TOX3: variants seen among roughly 807,000 people sequenced by gnomAD.
TOX3 encodes CAG trinucleotide repeat-containing gene F9 protein.
In TOX3, 22 loss-of-function variants were observed where a neutral mutation model predicts 64.3. The ratio of observed to expected loss-of-function variants is 0.34; its 90% confidence interval spans 0.24 to 0.49. The LOEUF is 0.49. TOX3 is among the 20% of genes least tolerant of loss of function. The probability of loss-of-function intolerance (pLI) is 0.99; values close to 1 mark genes in which losing one functional copy is unlikely to be tolerated. For synonymous variants in TOX3, 291 were observed against 273.6 expected, an observed-to-expected ratio of 1.06 and a Z score of -0.63; for missense variants, 661 against 714.4, an observed-to-expected ratio of 0.93 and a Z score of 0.85.
intron 1 of TOX3, among the ~76,000 whole-genome samples, chr16:52,536,955 C>T (rs1477618677): frequency 6.6e-6 from 1 of 151,502 alleles, no homozygotes; most frequent in East Asian, 1.9e-4. Context: ...TTCCTATTAT[C>T]ACAAAGAAAT....
chr16:52,503,449 T>C (rs1460622628), intron 1 of TOX3, among the ~76,000 whole-genome samples: 1 of 152,194 alleles, frequency 6.6e-6, no homozygotes, highest in Admixed American at 6.5e-5. Flanking sequence ...TAGCAATTGC[T>C]ATCAACTTTC....
At chr16:52,484,372 C>A (rs535017463) in intron 1 of TOX3, among the ~76,000 whole-genome samples, 1 of 152,096 alleles carries the variant, frequency 6.6e-6, no homozygotes, top group Non-Finnish European at 1.5e-5. Flanking sequence ...TTCTTTTATT[C>A]TTTTGCTTTT....
chr16:52,455,135 T>C (rs73583132), intron 3 of TOX3, among the ~76,000 whole-genome samples: 5,410 of 152,250 alleles, frequency 0.036, 322 homozygotes, highest in African/African-American at 0.12. Flanking sequence ...CACAATTACA[T>C]TTTATATGTA....
intron 1 of TOX3, among the ~76,000 whole-genome samples, chr16:52,473,357 A>C (rs1397617236): frequency 6.8e-6 from 1 of 146,580 alleles, no homozygotes; most frequent in Non-Finnish European, 1.5e-5. Context: ...GCACAAACTT[A>C]ATCCTAAAAA....
chr16:52,470,139 A>G (rs1960998795), intron 1 of TOX3, among the ~76,000 whole-genome samples: 1 of 152,192 alleles, frequency 6.6e-6, no homozygotes, highest in African/African-American at 2.4e-5. Flanking sequence ...TCACACACAT[A>G]TTTTCCCTTG....
chr16:52,524,007 A>G (rs1237624901), intron 1 of TOX3, among the ~76,000 whole-genome samples: 2 of 152,226 alleles, frequency 1.3e-5, no homozygotes, highest in Non-Finnish European at 2.9e-5. Flanking sequence ...TTTCTTCAAA[A>G]TTAACATTCA....
At chr16:52,449,857 C>T (rs1344095537) in intron 4 of TOX3, among the ~76,000 whole-genome samples, 1 of 152,244 alleles carries the variant, frequency 6.6e-6, no homozygotes, top group Non-Finnish European at 1.5e-5. Context: ...ACCGAAGCCG[C>T]AAGGCTGTCA....
In TOX3 at chr16:52,463,985, T is replaced by C; in HGVS notation, c.357A>G (p.Ser119=). 6.3e-7 allele frequency: 1 copy of C among 1,594,178 alleles called. No individual in the cohort carries two copies. Among genetic ancestry groups the C allele is most frequent in the Non-Finnish European group, 8.6e-7 (1 of 1,169,392 alleles). ...QSLDLPSITI[S]RNLVEQDGVL... is the part of the protein sequence containing the mutation. ...CGCCATCTTGTTCCACGAGATTTCTTGAGATTGTAATGGAAGGGAGGTCCA... is the reference window on the plus strand; with the variant it reads ...CGCCATCTTGTTCCACGAGATTTCTCGAGATTGTAATGGAAGGGAGGTCCA... Residue 119 remains serine, a synonymous_variant, in exon 3 of 7, where the codon TCA becomes TCG. Coordinates refer to ENST00000219746, the MANE Select transcript of TOX3 (RefSeq NM_001080430.4).
chr16:52,454,928 G>A (rs1275560934), intron 3 of TOX3, among the ~76,000 whole-genome samples: 1 of 152,064 alleles, frequency 6.6e-6, no homozygotes, highest in Non-Finnish European at 1.5e-5. Context: ...GACACAATAA[G>A]GAAATGTATA....
At chr16:52,529,842 T>TA (rs35524467) in intron 1 of TOX3, among the ~76,000 whole-genome samples, 3 of 152,174 alleles carry the variant, frequency 2.0e-5, no homozygotes, top group East Asian at 1.9e-4. Context: ...TAGAACTTTT[T>TA]AAAAAAAATG....
At chr16:52,508,347 C>T (rs1962215449) in intron 1 of TOX3, among the ~76,000 whole-genome samples, 1 of 152,124 alleles carries the variant, frequency 6.6e-6, no homozygotes, top group Non-Finnish European at 1.5e-5. Flanking sequence ...TGCACATGTG[C>T]AACAGCGTGC....
intron 6 of TOX3, among the ~76,000 whole-genome samples, chr16:52,440,836 C>G (rs1437131795): frequency 7.0e-6 from 1 of 142,876 alleles, no homozygotes. Context: ...TCTCAGCTCA[C>G]TGCAACCTCT....
chr16:52,529,658 C>T (rs554146863), intron 1 of TOX3, among the ~76,000 whole-genome samples: 9 of 152,176 alleles, frequency 5.9e-5, no homozygotes, highest in Non-Finnish European at 1.2e-4. Context: ...TGTTTGACTC[C>T]AAGCTTCTTG....
At chr16:52,520,744 T>C (rs949094094) in intron 1 of TOX3, among the ~76,000 whole-genome samples, 3 of 152,032 alleles carry the variant, frequency 2.0e-5, no homozygotes, top group Non-Finnish European at 4.4e-5. Context: ...TAAAGATAAA[T>C]ACAGGAAAAA....
intron 1 of TOX3, among the ~76,000 whole-genome samples, chr16:52,523,698 T>G (rs1350724199): frequency 6.6e-6 from 1 of 152,208 alleles, no homozygotes; most frequent in African/African-American, 2.4e-5. Context: ...ACTGGAATAT[T>G]TGTGTTTATG....
intron 1 of TOX3, among the ~76,000 whole-genome samples, chr16:52,492,178 G>C (rs1201870873): frequency 6.7e-6 from 1 of 148,542 alleles, no homozygotes; most frequent in Non-Finnish European, 1.5e-5. Flanking sequence ...TTTTAATAGT[G>C]CTGTGTTATT....
chr16:52,502,689 C>T (rs987534169), intron 1 of TOX3, among the ~76,000 whole-genome samples: 1 of 152,128 alleles, frequency 6.6e-6, no homozygotes, highest in Admixed American at 6.5e-5. Context: ...TTTAATATTA[C>T]AAATTTTTGA....
At chr16:52,468,650 G>A in intron 1 of TOX3, 76 bp from the exon 2 acceptor site, 2 of 1,206,782 alleles carry the variant, frequency 1.7e-6, no homozygotes. Context: ...AAAGAATGCT[G>A]GTGTTGCTAA....
chr16:52,458,841 A>T (rs377243999), intron 3 of TOX3, among the ~76,000 whole-genome samples: 1 of 152,254 alleles, frequency 6.6e-6, no homozygotes, highest in Non-Finnish European at 1.5e-5. Flanking sequence ...TGGCCTGGGT[A>T]TTTTTGGCAG....
Sources: gnomAD v4.1 joint callset for allele counts (sites outside exome capture counted in the v4.1 genomes callset) on GRCh38, gnomAD v4.1.1 for gene constraint, MANE v1.5 for transcripts, NCBI Gene and HGNC (gene_info 2026-07-23, HGNC 2026-07-21) for gene names.